Variants in CACNA1C observed in about 807,000 individuals in gnomAD.
The protein encoded by CACNA1C is voltage-dependent L-type calcium channel subunit alpha-1C.
In CACNA1C, 30 loss-of-function variants were observed where a neutral mutation model predicts 229.0. The ratio of observed to expected loss-of-function variants is 0.13; its 90% CI spans 0.10 to 0.18. The LOEUF (loss-of-function observed/expected upper bound fraction) is 0.18, where lower values mean the gene tolerates loss of function less well. Among genes scored for constraint, CACNA1C ranks in the 10% least tolerant of loss-of-function variants. CACNA1C has a pLI of 1.00. For synonymous variants in CACNA1C, 1,114 were observed against 1,132.5 expected, an observed-to-expected ratio of 0.98 and a Z score of 0.33; for missense variants, 1,658 against 2,845.0, an observed-to-expected ratio of 0.58 and a Z score of 9.49.
intron 3 of CACNA1C, among the ~76,000 whole-genome samples, chr12:2,305,919 G>C (rs1455579154): frequency 6.6e-6 from 1 of 152,210 alleles, no homozygotes. Flanking sequence ...TTTTAAGGCT[G>C]ACCATGTGCC....
intron 3 of CACNA1C, among the ~76,000 whole-genome samples, chr12:2,364,395 T>A (rs1594224859): frequency 6.6e-6 from 1 of 151,896 alleles, no homozygotes; most frequent in African/African-American, 2.4e-5. Flanking sequence ...AGGCTGGGAG[T>A]GGACCAGACA....
intron 1 of CACNA1C, among the ~76,000 whole-genome samples, chr12:2,070,593 A>G (rs2060818600): frequency 6.6e-6 from 1 of 152,210 alleles, no homozygotes; most frequent in Non-Finnish European, 1.5e-5. Flanking sequence ...CAGTTTAAAG[A>G]TATTCCATTA....
In CACNA1C at chr12:2,554,764, C is replaced by T. The variant is rs575012518; in HGVS notation, c.1482-2187C>T. Among the ~76,000 whole-genome samples, 5 of 152,340 alleles carry T rather than the reference C, an allele frequency of 3.3e-5. No homozygotes were observed. The East Asian group carries it at 5.8e-4, about 18-fold the overall frequency. On this transcript the variant is annotated intron_variant, in intron 10 of 46. Transcript: ENST00000399655. ...AGCAGAAAGAACCAAGGCGTTCAGACGTCACAGAGTTCTCACCTCAGCTCC... is the reference window on the plus strand; with the variant it reads ...AGCAGAAAGAACCAAGGCGTTCAGATGTCACAGAGTTCTCACCTCAGCTCC...
chr12:2,564,156 C>T lies in CACNA1C; in HGVS notation c.1509-2266C>T, dbSNP rs190301046. Among the ~76,000 whole-genome samples, 9 of 152,174 alleles carry T rather than the reference C, an allele frequency of 5.9e-5. No individual in the cohort carries two copies. In the East Asian group the frequency reaches 7.7e-4, roughly 13 times the overall value. Reference sequence around the variant, plus strand: ...ATGCCACACACAGACACACACACACCGGAAACAAAGTTTTATGTAAAAATA... The same window carrying T: ...ATGCCACACACAGACACACACACACTGGAAACAAAGTTTTATGTAAAAATA... On this transcript the variant is annotated intron_variant, in intron 11 of 46. Transcript: ENST00000399655.
Position 2,689,950 on chromosome 12 carries a change from CAG to C in CACNA1C, c.6118-948_6118-947del, listed in dbSNP as rs2097726501. On this transcript the variant is annotated intron_variant, in intron 46 of 46. Coordinates refer to ENST00000399655, the MANE Select transcript of CACNA1C (RefSeq NM_000719.7). The surrounding 1 kb of genome is among the most constrained non-coding windows in gnomAD (Gnocchi z 4.2). ...TGGCGTGGGCAAGGAGCAAGACAAA[CAG>C]ATGCCTGAAAGGAGCGAGTGCCAGG... is the stretch of plus-strand genomic sequence containing the variant. 1 of 152,338 alleles carries C rather than the reference CAG, an allele frequency of 6.6e-6. No individual in the cohort carries two copies. The highest frequency in any genetic ancestry group is 1.5e-5 in the Non-Finnish European group (1 of 68,184). 9.4% of individuals were successfully genotyped at this position (152,338 alleles called of 1,614,324 possible). A position where few individuals can be genotyped will look rare whatever the true frequency, so the allele number is the denominator to read the frequency against.
chr12:2,393,886 A>G (rs1311396350), intron 3 of CACNA1C, among the ~76,000 whole-genome samples: 1 of 152,090 alleles, frequency 6.6e-6, no homozygotes, highest in Non-Finnish European at 1.5e-5. Flanking sequence ...TGGGAGGATC[A>G]TGGGAGGCTA....
intron 3 of CACNA1C, among the ~76,000 whole-genome samples, chr12:2,425,125 T>C (rs991431709): frequency 4.6e-5 from 7 of 152,274 alleles, no homozygotes; most frequent in Admixed American, 2.6e-4. Flanking sequence ...CTAGGTAGCA[T>C]AGAAACCTAA....
At chr12:1,995,893 G>A (rs1240792652) in intron 1 of CACNA1C, among the ~76,000 whole-genome samples, 3 of 152,126 alleles carry the variant, frequency 2.0e-5, no homozygotes, top group South Asian at 2.1e-4. Flanking sequence ...CTTACTCTGA[G>A]GGGCTGGCCA....
chr12:2,623,857 A>G lies in CACNA1C; in HGVS notation c.3829-10440A>G, dbSNP rs1473522641. ...CACCCCCTTCAGTTCTCCACCCACC[A>G]CAGGAGCTTGTCACTCTCTGGGGTG... On this transcript the variant is annotated intron_variant, in intron 29 of 46. Coordinates refer to ENST00000399655, the MANE Select transcript of CACNA1C (RefSeq NM_000719.7). Among the ~76,000 whole-genome samples the G allele has an allele frequency of 2.6e-5, 4 of 152,074 alleles. No homozygotes were observed. The South Asian group carries it at 8.3e-4, about 32-fold the overall frequency.
At chr12:2,661,818 A>C (rs1289800664) in intron 34 of CACNA1C, among the ~76,000 whole-genome samples, 3 of 152,268 alleles carry the variant, frequency 2.0e-5, no homozygotes, top group Admixed American at 1.3e-4. Flanking sequence ...ATAAAGTGGA[A>C]GATTAAAAGA....
intron 3 of CACNA1C, among the ~76,000 whole-genome samples, chr12:2,271,232 C>T (rs375348542): frequency 1.3e-5 from 2 of 152,164 alleles, no homozygotes; most frequent in African/African-American, 4.8e-5. Context: ...AGTTGTTCTT[C>T]GACTCCTGTG....
At chr12:2,255,716 G>A (rs1249894556) in intron 3 of CACNA1C, among the ~76,000 whole-genome samples, 1 of 151,878 alleles carries the variant, frequency 6.6e-6, no homozygotes, top group Non-Finnish European at 1.5e-5. Flanking sequence ...CTCCTCATTG[G>A]ACAGATAATA....
intron 3 of CACNA1C, among the ~76,000 whole-genome samples, chr12:2,142,660 A>G (rs1167556528): frequency 6.6e-6 from 1 of 151,282 alleles, no homozygotes; most frequent in African/African-American, 2.4e-5. Context: ...AAGATGTGGA[A>G]GACAGTGATA....
At chr12:2,020,032 A>C (rs2046166332) in intron 1 of CACNA1C, 1 of 152,196 alleles carries the variant, frequency 6.6e-6, no homozygotes, top group South Asian at 2.1e-4. Context: ...TCTCTCTCTG[A>C]CAGTGTGTGT....
At chr12:2,374,509 C>T (rs1037466152) in intron 3 of CACNA1C, among the ~76,000 whole-genome samples, 11 of 152,242 alleles carry the variant, frequency 7.2e-5, no homozygotes, top group African/African-American at 2.7e-4. Context: ...CAGCCCACGC[C>T]ACATTGGCCT....
chr12:2,691,216 C>G lies in CACNA1C; in HGVS notation c.*17C>G. Reference sequence around the variant, plus strand: ...AGCCTGTAGTGGGCGCTGCCAGATGCGGGCTTTTTTTTATTTGTTTCAATG... The same window carrying G: ...AGCCTGTAGTGGGCGCTGCCAGATGGGGGCTTTTTTTTATTTGTTTCAATG... On this transcript the variant is annotated 3_prime_UTR_variant, in exon 47 of 47. Transcript: ENST00000399655. The G allele has an allele frequency of 6.6e-7, 1 of 1,520,814 alleles. No individual in the cohort carries two copies. Among genetic ancestry groups the G allele is most frequent in the Non-Finnish European group, 8.8e-7 (1 of 1,136,632 alleles). The allele number at this position is 1,520,814 out of a possible 1,614,324, so 94.2% of individuals were successfully genotyped here.
rs1036786964 is a variant in CACNA1C at position 2,034,998 on chromosome 12, G to A, written c.139+63797G>A. ...GGTCTGGGCACTGGAAGCGGCACACGTGGAAACGGTAAAGGCCGACGCCGG... is the reference window on the plus strand; with the variant it reads ...GGTCTGGGCACTGGAAGCGGCACACATGGAAACGGTAAAGGCCGACGCCGG... On this transcript the variant is annotated intron_variant, in intron 1 of 46. Coordinates refer to the CACNA1C transcript ENST00000682462. The surrounding 1 kb of genome is among the most constrained non-coding windows in gnomAD (Gnocchi z 4.1). Among the ~76,000 whole-genome samples, 1 of 152,242 alleles carries A rather than the reference G, an allele frequency of 6.6e-6. No homozygotes were observed. Among genetic ancestry groups the A allele is most frequent in the African/African-American group, 2.4e-5 (1 of 41,464 alleles).
Position 2,655,341 on chromosome 12 carries a change from G to A in CACNA1C, c.4232+103G>A, listed in dbSNP as rs539496111. The A allele has an allele frequency of 2.3e-5, 16 of 685,402 alleles. No homozygotes were observed. In the South Asian group the frequency reaches 2.8e-4, roughly 12 times the overall value. 42.5% of individuals were successfully genotyped at this position (685,402 alleles called of 1,614,324 possible). On this transcript the variant is annotated intron_variant, in intron 34 of 46. Transcript: ENST00000399655. ...AAGGGAACTGCTTCCCGGGGAGTAG[G>A]AAGGGAGAGGATGTGTTGCTTGCTC...
intron 1 of CACNA1C, among the ~76,000 whole-genome samples, chr12:1,997,478 G>A (rs74768843): frequency 0.16 from 23,674 of 152,246 alleles, 1,943 homozygotes; most frequent in East Asian, 0.21. Flanking sequence ...CAAGAGCTGT[G>A]ATCGTGCCAC....
Sources: gnomAD v4.1 joint callset for allele counts (sites outside exome capture counted in the v4.1 genomes callset) on GRCh38, gnomAD v4.1.1 for gene constraint, Gnocchi (gnomAD v3.1) non-coding constraint, MANE v1.5 for transcripts, NCBI Gene and HGNC (gene_info 2026-07-23, HGNC 2026-07-21) for gene names.